Variants in DNAAF19 observed in about 807,000 individuals in gnomAD.
DNAAF19 encodes the protein coiled-coil domain containing 103.
chr17:44,903,008 T>C, the DNAAF19 span: 10 of 1,424,830 alleles, frequency 7.0e-6, no homozygotes, highest in African/African-American at 4.3e-5. Flanking sequence ...TGTTTTGAAC[T>C]GTGTGTATCC....
At chr17:44,903,115 G>T in the DNAAF19 span, 2 of 1,299,034 alleles carry the variant, frequency 1.5e-6, no homozygotes, top group Admixed American at 3.6e-5. Flanking sequence ...AGATGAGTGT[G>T]TGCCCAACCA....
the DNAAF19 span, among the ~76,000 whole-genome samples, chr17:44,900,526 A>G: frequency 6.6e-6 from 1 of 151,970 alleles, no homozygotes; most frequent in Non-Finnish European, 1.5e-5. Flanking sequence ...CTCCTTCCTC[A>G]TTAAAGACAT....
At chr17:44,904,398 T>G in the DNAAF19 span, 1 of 1,542,316 alleles carries the variant, frequency 6.5e-7, no homozygotes, top group South Asian at 1.2e-5. Context: ...CAGTGGCGCA[T>G]CGGCCTCTGC....
chr17:44,903,374 C>G, the DNAAF19 span: 44 of 1,248,604 alleles, frequency 3.5e-5, no homozygotes, highest in African/African-American at 6.5e-4. Context: ...TCCAGCCAGC[C>G]TCCCGGATGG....
the DNAAF19 span, chr17:44,903,335 C>T: frequency 8.0e-7 from 1 of 1,247,140 alleles, no homozygotes; most frequent in Non-Finnish European, 1.0e-6. Context: ...CAGGTTGGGC[C>T]TGGGAAAGTC....
the DNAAF19 span, chr17:44,904,597 C>A: frequency 6.4e-7 from 1 of 1,550,594 alleles, no homozygotes; most frequent in South Asian, 1.2e-5. Context: ...TGCTGGCCAT[C>A]ATTAACTATG....
At chr17:44,902,472 T>G in the DNAAF19 span, 1 of 1,614,094 alleles carries the variant, frequency 6.2e-7, no homozygotes, top group South Asian at 1.1e-5. Context: ...AGCTTGGGGG[T>G]CCAAGGCTCG....
the DNAAF19 span, chr17:44,901,662 G>T: frequency 6.2e-7 from 1 of 1,613,560 alleles, no homozygotes; most frequent in Non-Finnish European, 8.5e-7. Flanking sequence ...GGTAGGTGAG[G>T]CCCTGCCCCT....
At chr17:44,903,400 G>A in the DNAAF19 span, 1 of 1,251,630 alleles carries the variant, frequency 8.0e-7, no homozygotes, top group Non-Finnish European at 1.0e-6. Flanking sequence ...TATGCAGGAG[G>A]GTGGGTTTCC....
chr17:44,902,533 G>A, the DNAAF19 span: 8 of 1,614,134 alleles, frequency 5.0e-6, no homozygotes, highest in African/African-American at 9.3e-5. Context: ...GGAGCTGCTG[G>A]TGGCACTGGC....
the DNAAF19 span, chr17:44,903,788 C>T: frequency 6.6e-7 from 1 of 1,516,504 alleles, no homozygotes; most frequent in South Asian, 1.3e-5. Context: ...CCTTTAATGC[C>T]CTGGTTTTGC....
the DNAAF19 span, chr17:44,905,164 G>A: frequency 2.0e-6 from 2 of 990,020 alleles, no homozygotes; most frequent in Admixed American, 2.7e-5. Context: ...GTTGGGACAG[G>A]TGGTAGGAAC....
At chr17:44,904,853 A>C in the DNAAF19 span, 3 of 1,550,668 alleles carry the variant, frequency 1.9e-6, no homozygotes, top group Non-Finnish European at 2.6e-6. Context: ...TGACCGGGGC[A>C]TCTACTATTG....
At chr17:44,903,278 A>G in the DNAAF19 span, 1 of 1,248,096 alleles carries the variant, frequency 8.0e-7, no homozygotes, top group Middle Eastern at 3.1e-4. Flanking sequence ...ATCAAATACT[A>G]CATCATTTGA....
At chr17:44,904,918 GCAC>G in the DNAAF19 span, 1 of 1,550,616 alleles carries the variant, frequency 6.4e-7, no homozygotes, top group Admixed American at 2.0e-5. Context: ...CATCTCATGG[GCAC>G]TACCCAGCCT....
At chr17:44,902,947 C>A in the DNAAF19 span, 1 of 1,433,718 alleles carries the variant, frequency 7.0e-7, no homozygotes, top group Non-Finnish European at 9.1e-7. Flanking sequence ...ATTTTCAGAG[C>A]AAAAACAGGA....
the DNAAF19 span, chr17:44,905,224 G>T: frequency 1.5e-6 from 1 of 656,308 alleles, no homozygotes; most frequent in Non-Finnish European, 2.7e-6. Context: ...GGGCAGGTCT[G>T]GGACCTGATC....
the DNAAF19 span, among the ~76,000 whole-genome samples, chr17:44,900,031 C>A: frequency 1.3e-5 from 2 of 151,984 alleles, no homozygotes; most frequent in Admixed American, 1.3e-4. Flanking sequence ...TGGTGATGAC[C>A]CCGCCACAAA....
At chr17:44,903,578 GC>G in the DNAAF19 span, 1 of 1,394,446 alleles carries the variant, frequency 7.2e-7, no homozygotes, top group Non-Finnish European at 9.2e-7. Flanking sequence ...GGGAGTAAAG[GC>G]CAGGTTCTAG....
Sources: gnomAD v4.1 joint callset for allele counts (sites outside exome capture counted in the v4.1 genomes callset) on GRCh38, gnomAD v4.1.1 for gene constraint, MANE v1.5 for transcripts, NCBI Gene and HGNC (gene_info 2026-07-23, HGNC 2026-07-21) for gene names.